The following CSMD1 variants were observed in gnomAD, a reference collection of about 807,000 sequenced individuals.
CSMD1 encodes CUB and sushi domain-containing protein 1.
In CSMD1, 213 loss-of-function variants were observed where a neutral mutation model predicts 417.5. The ratio of observed to expected loss-of-function variants is 0.51; its 90% CI spans 0.46 to 0.57. The LOEUF is 0.57. Among genes scored for constraint, CSMD1 ranks in the 20% least tolerant of loss-of-function variants. The pLI is 0.00. For missense variants in CSMD1, 6,923 were observed against 4,529.7 expected, an observed-to-expected ratio of 1.53 and a Z score of -15.17; for synonymous variants, 2,862 against 1,736.8, an observed-to-expected ratio of 1.65 and a Z score of -16.11.
At chr8:4,746,008 ATCT>A (rs1810925178) in intron 1 of CSMD1, among the ~76,000 whole-genome samples, 1 of 152,210 alleles carries the variant, frequency 6.6e-6, no homozygotes, top group African/African-American at 2.4e-5. Flanking sequence ...GAAAAAGAAA[ATCT>A]TCTAAACTGT....
chr8:3,406,384 T>C (rs1231591266), intron 14 of CSMD1, among the ~76,000 whole-genome samples, 163 bp from the exon 15 acceptor site: 4 of 152,156 alleles, frequency 2.6e-5, no homozygotes, highest in Non-Finnish European at 4.4e-5. Flanking sequence ...CATTAATAAA[T>C]AGGATATCAG....
intron 2 of CSMD1, among the ~76,000 whole-genome samples, chr8:4,557,449 G>C (rs986558139): frequency 4.0e-5 from 6 of 151,148 alleles, no homozygotes; most frequent in African/African-American, 1.5e-4. Flanking sequence ...TTTGAAATGA[G>C]ATGAAATACA....
At chr8:3,734,744 C>G (rs554156687) in intron 6 of CSMD1, among the ~76,000 whole-genome samples, 1 of 152,272 alleles carries the variant, frequency 6.6e-6, no homozygotes, top group South Asian at 2.1e-4. Context: ...CAGAAACTCT[C>G]CTAATGTGGC....
At position 4,383,516 on chromosome 8, in the gene CSMD1, C is replaced by G. The variant is rs889874560; in HGVS notation, c.415+36437G>C. Among the ~76,000 whole-genome samples the G allele has an allele frequency of 5.3e-5, 8 of 152,242 alleles. No individual in the cohort carries two copies. In the East Asian group the frequency reaches 1.4e-3, roughly 26 times the overall value. ...AATTTTATTCCAGGACACCAACAAG[C>G]CCTGGCTATTGCAGACAGGTTGTGG... On this transcript the variant is annotated intron_variant, in intron 3 of 69. Transcript: ENST00000635120.
intron 3 of CSMD1, among the ~76,000 whole-genome samples, chr8:4,226,503 A>C (rs1227654880): frequency 1.3e-5 from 2 of 152,178 alleles, no homozygotes; most frequent in Admixed American, 1.3e-4. Context: ...GCAGTAACAG[A>C]ACCTATAATG....
intron 2 of CSMD1, among the ~76,000 whole-genome samples, chr8:4,537,106 T>C (rs1439129496): frequency 2.0e-5 from 3 of 152,188 alleles, no homozygotes; most frequent in Non-Finnish European, 4.4e-5. Context: ...ATGTGAACTA[T>C]TTTCAAATAT....
chr8:3,610,889 T>C (rs956706016), intron 8 of CSMD1, among the ~76,000 whole-genome samples: 1 of 151,946 alleles, frequency 6.6e-6, no homozygotes, highest in East Asian at 1.9e-4. Flanking sequence ...CCTTTTCCAT[T>C]GACAGTGCAG....
chr8:4,348,371 A>G (rs75929109), intron 3 of CSMD1, among the ~76,000 whole-genome samples: 2,100 of 152,208 alleles, frequency 0.014, 56 homozygotes, highest in African/African-American at 0.048. Flanking sequence ...GTACTACGCT[A>G]CAAGTGTTTA....
At chr8:3,983,430 G>A (rs547636498) in intron 5 of CSMD1, among the ~76,000 whole-genome samples, 24 of 152,068 alleles carry the variant, frequency 1.6e-4, no homozygotes, top group Admixed American at 8.5e-4. Context: ...GCGCCCGGCC[G>A]CAGCCTCCCA....
intron 5 of CSMD1, among the ~76,000 whole-genome samples, chr8:3,823,029 G>C (rs938525187): frequency 1.3e-5 from 2 of 151,980 alleles, no homozygotes; most frequent in Admixed American, 1.3e-4. Flanking sequence ...AACATAATTC[G>C]GCATCAGTAG....
chr8:2,966,081 G>A (rs1248478483), intron 58 of CSMD1, 127 bp from the exon 59 acceptor site: 1 of 756,354 alleles, frequency 1.3e-6, no homozygotes, highest in Non-Finnish European at 2.2e-6. Context: ...AATTAATACA[G>A]CAATACTACC....
At chr8:3,567,399 G>A (rs1407396863) in intron 10 of CSMD1, among the ~76,000 whole-genome samples, 1 of 151,076 alleles carries the variant, frequency 6.6e-6, no homozygotes, top group Non-Finnish European at 1.5e-5. Context: ...ACCTGCATGT[G>A]TATCCCTTAA....
chr8:4,098,270 G>A (rs1013273096), intron 3 of CSMD1, among the ~76,000 whole-genome samples: 2 of 152,048 alleles, frequency 1.3e-5, no homozygotes, highest in African/African-American at 4.8e-5. Flanking sequence ...AGATGTAATG[G>A]CATCAGAACA....
intron 8 of CSMD1, among the ~76,000 whole-genome samples, chr8:3,595,169 G>T (rs1348717924): frequency 6.6e-6 from 1 of 152,158 alleles, no homozygotes; most frequent in Non-Finnish European, 1.5e-5. Context: ...CCTCTGCTGA[G>T]GGATGCCCCT....
chr8:3,073,044 AC>A (rs1237994443), intron 49 of CSMD1, among the ~76,000 whole-genome samples: 1 of 152,154 alleles, frequency 6.6e-6, no homozygotes. Context: ...ATGAAATGCA[AC>A]CCTCCCAAAT....
intron 1 of CSMD1, 47 bp downstream of exon 1, chr8:4,994,285 C>G (rs1356879824): frequency 1.3e-6 from 2 of 1,566,890 alleles, no homozygotes; most frequent in Admixed American, 1.7e-5. Flanking sequence ...CACACGGGGC[C>G]TCCGAGGGCT....
In CSMD1 at chr8:3,357,221, A is replaced by C. The variant is rs76575970; in HGVS notation, c.3304+1931T>G. Among the ~76,000 whole-genome samples the C allele has an allele frequency of 1.8e-3, 270 of 152,324 alleles. 2 individuals are homozygous for C. Among genetic ancestry groups the C allele is most frequent in the African/African-American group, 6.2e-3 (258 of 41,576 alleles). ...CTGCAGGCAAAATGCAAAAGGCTAAATACAAAAAGGGCCTGTCCAAGGCCC... is the reference window on the plus strand; with the variant it reads ...CTGCAGGCAAAATGCAAAAGGCTAACTACAAAAAGGGCCTGTCCAAGGCCC... On this transcript the variant is annotated intron_variant, in intron 21 of 69. Transcript: ENST00000635120.
At chr8:4,465,746 T>C (rs1260525679) in intron 2 of CSMD1, among the ~76,000 whole-genome samples, 1 of 152,118 alleles carries the variant, frequency 6.6e-6, no homozygotes, top group East Asian at 1.9e-4. Flanking sequence ...AACTCTAGTT[T>C]GTAGGTCATC....
chr8:4,102,968 C>T (rs1031543397), intron 3 of CSMD1, among the ~76,000 whole-genome samples: 4 of 152,142 alleles, frequency 2.6e-5, no homozygotes, highest in Non-Finnish European at 4.4e-5. Flanking sequence ...AACTTTAACA[C>T]GTGCAGAGCC....
Sources: allele counts gnomAD v4.1 joint callset (sites outside exome capture counted in the v4.1 genomes callset), GRCh38; gene constraint gnomAD v4.1.1; transcripts MANE v1.5; gene names NCBI Gene and HGNC (gene_info 2026-07-23, HGNC 2026-07-21).